Variants in ERC2 observed in about 807,000 individuals in gnomAD.
ERC2 encodes the protein ERC protein 2.
Under a neutral mutation model 114.8 loss-of-function variants are expected in ERC2, and 42 were observed. That is an observed-to-expected ratio of 0.37 (90% CI 0.29 to 0.47). The LOEUF is 0.47. Ranked by LOEUF, ERC2 falls within the 20% of genes least tolerant of loss-of-function variation. The probability of loss-of-function intolerance (pLI) is 0.99; values close to 1 mark genes in which losing one functional copy is unlikely to be tolerated. For missense variants in ERC2, 939 were observed against 1,150.7 expected (o/e 0.82, Z 2.66); for synonymous variants, 454 against 425.5 (o/e 1.07, Z -0.82).
intron 14 of ERC2, among the ~76,000 whole-genome samples, chr3:55,824,100 A>G (rs967079030): frequency 7.9e-5 from 12 of 152,162 alleles, no homozygotes; most frequent in African/African-American, 1.9e-4. Context: ...TGTCAGTCAT[A>G]TTGGATTAGG....
chr3:56,173,721 C>G (rs1172655403), intron 3 of ERC2: 14 of 535,562 alleles, frequency 2.6e-5, no homozygotes, highest in Middle Eastern at 4.8e-4. Flanking sequence ...CTGGCACATG[C>G]GCTATTTCTG....
intron 13 of ERC2, among the ~76,000 whole-genome samples, chr3:55,901,775 T>C (rs2064150048): frequency 6.6e-6 from 1 of 152,214 alleles, no homozygotes. Context: ...ATTCCCATAC[T>C]CTGAAGGAAG....
chr3:56,204,476 CTTTTATTTTATTTTA>C (rs11267334), intron 3 of ERC2, among the ~76,000 whole-genome samples: 2 of 132,862 alleles, frequency 1.5e-5, no homozygotes, highest in African/African-American at 5.6e-5. Context: ...TAATTAGATG[CTTTTATTTTATTTTA>C]TTTTATTTTA....
At chr3:56,161,252 T>G (rs528494426) in intron 4 of ERC2, among the ~76,000 whole-genome samples, 1 of 152,334 alleles carries the variant, frequency 6.6e-6, no homozygotes, top group African/African-American at 2.4e-5. Context: ...GAGCAGTTGT[T>G]GTTGCCATGC....
At chr3:55,670,510 C>T (rs1455901126) in intron 17 of ERC2, among the ~76,000 whole-genome samples, 1 of 152,160 alleles carries the variant, frequency 6.6e-6, no homozygotes, top group Non-Finnish European at 1.5e-5. Context: ...ATGGGGAATG[C>T]AATGTGAGTC....
At chr3:55,665,173 C>A (rs2148718781) in intron 17 of ERC2, among the ~76,000 whole-genome samples, 1 of 152,250 alleles carries the variant, frequency 6.6e-6, no homozygotes, top group South Asian at 2.1e-4. Flanking sequence ...TCAAAAAAAT[C>A]AAGACACTTT....
At chr3:55,637,865 C>G (rs1352526960) in intron 17 of ERC2, among the ~76,000 whole-genome samples, 3 of 151,922 alleles carry the variant, frequency 2.0e-5, no homozygotes, top group Non-Finnish European at 4.4e-5. Flanking sequence ...ATTTGACATG[C>G]ATTTTCTCAC....
At chr3:55,727,976 T>A (rs999001394) in intron 15 of ERC2, among the ~76,000 whole-genome samples, 6 of 152,196 alleles carry the variant, frequency 3.9e-5, no homozygotes, top group Non-Finnish European at 7.3e-5. Flanking sequence ...ATCTTCTCTA[T>A]CAAGCCCTAC....
intron 14 of ERC2, among the ~76,000 whole-genome samples, chr3:55,787,775 C>T (rs530498187): frequency 6.6e-4 from 100 of 152,330 alleles, no homozygotes; most frequent in African/African-American, 2.4e-3. Flanking sequence ...CTCCCACAGG[C>T]TGAAAACAGC....
At chr3:55,752,594 C>G (rs188381279) in intron 14 of ERC2, among the ~76,000 whole-genome samples, 1 of 152,326 alleles carries the variant, frequency 6.6e-6, no homozygotes, top group Non-Finnish European at 1.5e-5. Context: ...GTGCCAAAGA[C>G]TATACCATTC....
chr3:55,827,086 T>C (rs1394288904), intron 14 of ERC2, among the ~76,000 whole-genome samples: 2 of 152,242 alleles, frequency 1.3e-5, no homozygotes, highest in Non-Finnish European at 2.9e-5. Context: ...GTCTAATTGT[T>C]CTGGATTTAT....
At chr3:55,983,189 C>T (rs2070301346) in intron 12 of ERC2, among the ~76,000 whole-genome samples, 1 of 152,198 alleles carries the variant, frequency 6.6e-6, no homozygotes, top group Admixed American at 6.5e-5. Flanking sequence ...CCGAGAGGGC[C>T]TGGGAGAAGT....
chr3:56,048,300 A>G (rs1209593135), intron 7 of ERC2, among the ~76,000 whole-genome samples: 1 of 152,200 alleles, frequency 6.6e-6, no homozygotes, highest in African/African-American at 2.4e-5. Context: ...CTGCGTAACA[A>G]GTCTATGATT....
intron 3 of ERC2, among the ~76,000 whole-genome samples, chr3:56,276,755 C>T (rs1019804636): frequency 6.6e-5 from 10 of 152,130 alleles, no homozygotes; most frequent in African/African-American, 1.4e-4. Context: ...CTTTTGGCTT[C>T]GCTGGGCCAC....
intron 15 of ERC2, 25 bp downstream of exon 15, chr3:55,734,746 A>G: frequency 6.3e-7 from 1 of 1,588,484 alleles, no homozygotes; most frequent in East Asian, 2.3e-5. Context: ...CCAGAAAAAC[A>G]CACCTGTCTT....
chr3:55,808,728 TA>T (rs1559689303), intron 14 of ERC2, among the ~76,000 whole-genome samples: 1 of 115,034 alleles, frequency 8.7e-6, no homozygotes, highest in Non-Finnish European at 1.8e-5. Context: ...TATATATATA[TA>T]TATATATATA....
chr3:56,278,884 A>C (rs949213156), intron 3 of ERC2, among the ~76,000 whole-genome samples: 2 of 152,206 alleles, frequency 1.3e-5, no homozygotes, highest in Non-Finnish European at 2.9e-5. Context: ...ATTCATGAGG[A>C]ATCAGCCCTC....
chr3:55,591,463 T>C (rs2057875519), intron 17 of ERC2, among the ~76,000 whole-genome samples: 1 of 152,088 alleles, frequency 6.6e-6, no homozygotes, highest in African/African-American at 2.4e-5. Flanking sequence ...ACATTTTGTT[T>C]TCCACATGCG....
At chr3:56,368,631 G>T (rs2059244604) in intron 2 of ERC2, among the ~76,000 whole-genome samples, 1 of 152,106 alleles carries the variant, frequency 6.6e-6, no homozygotes, top group Non-Finnish European at 1.5e-5. Flanking sequence ...TGGGTAATTG[G>T]AAGGCCCATG....
Sources: gnomAD v4.1 joint callset for allele counts (sites outside exome capture counted in the v4.1 genomes callset) on GRCh38, gnomAD v4.1.1 for gene constraint, MANE v1.5 for transcripts, NCBI Gene and HGNC (gene_info 2026-07-23, HGNC 2026-07-21) for gene names.